Variants in FOXO3 observed in about 807,000 individuals in gnomAD.
FOXO3 encodes the protein forkhead box protein O3.
Under a neutral mutation model 41.9 loss-of-function variants are expected in FOXO3, and 4 were observed. The observed-to-expected ratio is 0.10, with a 90% CI of 0.05 to 0.22. The LOEUF is 0.22. Ranked by LOEUF, FOXO3 falls within the 10% of genes least tolerant of loss-of-function variation. The probability of loss-of-function intolerance (pLI) is 1.00; values close to 1 mark genes in which losing one functional copy is unlikely to be tolerated. For missense variants in FOXO3, 534 were observed against 906.8 expected (o/e 0.59, Z 5.28); for synonymous variants, 318 against 389.3 (o/e 0.82, Z 2.16).
chr6:108,631,606 A>AT (rs1429755044), intron 1 of FOXO3, among the ~76,000 whole-genome samples: 1 of 151,506 alleles, frequency 6.6e-6, no homozygotes, highest in Non-Finnish European at 1.5e-5. Context: ...CTCTCTTGAC[A>AT]TTTTTCCCCC....
At chr6:108,640,640 A>G (rs1778232023) in intron 1 of FOXO3, among the ~76,000 whole-genome samples, 1 of 152,164 alleles carries the variant, frequency 6.6e-6, no homozygotes, top group African/African-American at 2.4e-5. Flanking sequence ...ACATTTAGTC[A>G]ATTTGAGGTT....
rs6925892 is a variant in FOXO3, at chr6:108,644,697, T to C, written c.622-18758T>C. On this transcript the variant is annotated intron_variant, in intron 1 of 2. Coordinates refer to ENST00000406360, the MANE Select transcript of FOXO3 (RefSeq NM_001455.4). ...TCTCTAGGTACACCCATCCGCTCCA[T>C]CCTCTCTAGGTAAACCCATCCCAGT... Among the ~76,000 whole-genome samples the C allele has an allele frequency of 3.1e-3, 471 of 152,252 alleles. 5 individuals carry two copies. The highest frequency in any genetic ancestry group is 0.011 in the African/African-American group (458 of 41,576).
At chr6:108,582,390 TTA>T (rs1776446579) in intron 1 of FOXO3, among the ~76,000 whole-genome samples, 1 of 152,226 alleles carries the variant, frequency 6.6e-6, no homozygotes, top group Admixed American at 6.5e-5. Flanking sequence ...CAGTTGTAAG[TTA>T]TATCCAGTTG....
Position 108,663,680 on chromosome 6 carries a change from G to A in FOXO3, c.847G>A (p.Asp283Asn), listed in dbSNP as rs140968061. The A allele has an allele frequency of 4.6e-5, 74 of 1,613,166 alleles. No individual in the cohort carries two copies. In the African/African-American group the frequency reaches 6.1e-4, roughly 13 times the overall value. The stretch of plus-strand genomic sequence containing the variant: ...GCAGACAGCCCCCGAATCAGCTGAC[G>A]ACAGTCCCTCCCAGCTCTCCAAGTG... ...ALQTAPESAD[D>N]SPSQLSKWPG... The change falls in exon 2 of 3, where the codon GAC becomes AAC. Residue 283 changes from aspartate (D) to asparagine (N), a missense_variant. By Grantham distance (23) the Asp-to-Asn change is conservative. Coordinates refer to ENST00000406360, the MANE Select transcript of FOXO3 (RefSeq NM_001455.4).
chr6:108,585,987 T>G (rs1203012059), intron 1 of FOXO3, among the ~76,000 whole-genome samples: 3 of 152,178 alleles, frequency 2.0e-5, no homozygotes, highest in Admixed American at 6.5e-5. Flanking sequence ...CTATCCCACT[T>G]TCTCAGCCGG....
At chr6:108,622,115 T>A (rs964240702) in intron 1 of FOXO3, among the ~76,000 whole-genome samples, 1 of 151,856 alleles carries the variant, frequency 6.6e-6, no homozygotes, top group African/African-American at 2.4e-5. Flanking sequence ...AAAAATTAGC[T>A]GGGTGTGGTG....
At position 108,680,956 on chromosome 6, in the gene FOXO3, G is replaced by A. The variant is rs989889738; in HGVS notation, c.*1164G>A. The A allele has an allele frequency of 6.6e-6, 1 of 152,630 alleles. No homozygotes were observed. Among genetic ancestry groups the A allele is most frequent in the Non-Finnish European group, 1.5e-5 (1 of 68,038 alleles). The allele number at this position is 152,630 out of a possible 1,614,324, so 9.5% of individuals were successfully genotyped here. ...AATCTGATCTGCTAGAAGTGTATGA[G>A]TGAGAGGCAATAGCATACAAACTGA... On this transcript the variant is annotated 3_prime_UTR_variant, in exon 3 of 3. Coordinates refer to ENST00000406360, the MANE Select transcript of FOXO3 (RefSeq NM_001455.4).
At chr6:108,652,840 G>A (rs1330223729) in intron 1 of FOXO3, among the ~76,000 whole-genome samples, 1 of 152,172 alleles carries the variant, frequency 6.6e-6, no homozygotes, top group Admixed American at 6.5e-5. Context: ...GGTTTTGAGT[G>A]TGCCTGGGAC....
intron 1 of FOXO3, among the ~76,000 whole-genome samples, chr6:108,645,880 TAC>T (rs1778380297): frequency 6.6e-6 from 1 of 152,166 alleles, no homozygotes; most frequent in Non-Finnish European, 1.5e-5. Flanking sequence ...AGTGTGTGTA[TAC>T]ACACAGAGAT....
rs898405152 is a variant in FOXO3, at chr6:108,601,202, C to T, written c.621+39373C>T. On this transcript the variant is annotated intron_variant, in intron 1 of 2. Transcript: ENST00000406360. ...TTTTTTTTTGCATTTTTAGTAGAGA[C>T]GGGGTTTCACTGTGTTAGCCGGGAT... is the stretch of plus-strand genomic sequence containing the variant. Among the ~76,000 whole-genome samples the T allele has an allele frequency of 5.3e-5, 8 of 151,428 alleles. No individual in the cohort carries two copies. The East Asian group carries it at 1.4e-3, about 26-fold the overall frequency.
intron 2 of FOXO3, among the ~76,000 whole-genome samples, chr6:108,675,567 C>G (rs960408179): frequency 1.3e-5 from 2 of 152,314 alleles, no homozygotes; most frequent in African/African-American, 4.8e-5. Context: ...CTTATCTCTC[C>G]TAAGTGTTCC....
chr6:108,632,767 C>T (rs1490944421), intron 1 of FOXO3, among the ~76,000 whole-genome samples: 7 of 152,150 alleles, frequency 4.6e-5, no homozygotes, highest in East Asian at 1.9e-4. Context: ...GTGTAGAAAA[C>T]GTCAACTTCC....
At chr6:108,675,148 A>G (rs1344868419) in intron 2 of FOXO3, among the ~76,000 whole-genome samples, 1 of 152,162 alleles carries the variant, frequency 6.6e-6, no homozygotes, top group Non-Finnish European at 1.5e-5. Context: ...ATAGTTTAAG[A>G]TAGGGCATTC....
intron 1 of FOXO3, among the ~76,000 whole-genome samples, chr6:108,587,431 G>A (rs1163570966): frequency 6.6e-6 from 1 of 152,190 alleles, no homozygotes; most frequent in African/African-American, 2.4e-5. Context: ...GGGATTGATG[G>A]GAATAGGTGT....
chr6:108,622,962 C>T (rs3813498), intron 1 of FOXO3, among the ~76,000 whole-genome samples: 107,797 of 151,146 alleles, frequency 0.71, 39,758 homozygotes, highest in East Asian at 0.85. Flanking sequence ...TGGAAGAGTT[C>T]CCCTTCCTGA....
chr6:108,645,083 T>C (rs1465780652), intron 1 of FOXO3, among the ~76,000 whole-genome samples: 4 of 152,238 alleles, frequency 2.6e-5, no homozygotes, highest in African/African-American at 9.6e-5. Context: ...CCTGATGTTA[T>C]ATGATATTAA....
At chr6:108,587,532 C>G (rs1776613884) in intron 1 of FOXO3, among the ~76,000 whole-genome samples, 1 of 152,168 alleles carries the variant, frequency 6.6e-6, no homozygotes, top group Non-Finnish European at 1.5e-5. Flanking sequence ...TGTGTGCACA[C>G]ACAAATACAC....
At chr6:108,585,293 T>G (rs1776550643) in intron 1 of FOXO3, among the ~76,000 whole-genome samples, 1 of 152,216 alleles carries the variant, frequency 6.6e-6, no homozygotes, top group Non-Finnish European at 1.5e-5. Flanking sequence ...TCCACCCGCC[T>G]CGGCCTCCCA....
At chr6:108,615,433 C>T (rs1231926729) in intron 1 of FOXO3, among the ~76,000 whole-genome samples, 2 of 152,008 alleles carry the variant, frequency 1.3e-5, no homozygotes, top group Non-Finnish European at 2.9e-5. Context: ...CATTGTCTCA[C>T]ATAGTCTCTG....
Sources: gnomAD v4.1 joint callset for allele counts (sites outside exome capture counted in the v4.1 genomes callset) on GRCh38, gnomAD v4.1.1 for gene constraint, MANE v1.5 for transcripts, NCBI Gene and HGNC (gene_info 2026-07-23, HGNC 2026-07-21) for gene names.